The following AKAP9 variants were observed in gnomAD, a reference collection of about 807,000 sequenced individuals.
AKAP9 encodes the protein A-kinase anchor protein 9.
Under a neutral mutation model 488.5 loss-of-function variants are expected in AKAP9, and 311 were observed. The ratio of observed to expected loss-of-function variants is 0.64; its 90% CI spans 0.58 to 0.70. The LOEUF is 0.70. Among genes scored for constraint, AKAP9 ranks in the 30% least tolerant of loss-of-function variants. The probability of loss-of-function intolerance (pLI) is 0.00; values close to 1 mark genes in which losing one functional copy is unlikely to be tolerated. For missense variants in AKAP9, 4,215 were observed against 4,374.5 expected, an observed-to-expected ratio of 0.96 and a Z score of 1.03; for synonymous variants, 1,462 against 1,483.5, an observed-to-expected ratio of 0.99 and a Z score of 0.33.
chr7:91,962,849 A>C (rs1793888419), intron 1 of AKAP9, among the ~76,000 whole-genome samples: 1 of 152,166 alleles, frequency 6.6e-6, no homozygotes. Flanking sequence ...TTTATGATGC[A>C]AAGTTTTAGT....
intron 1 of AKAP9, among the ~76,000 whole-genome samples, chr7:91,942,442 G>GA (rs1391107739): frequency 5.9e-5 from 9 of 152,188 alleles, no homozygotes; most frequent in Admixed American, 5.9e-4. Flanking sequence ...TAAATGGTGG[G>GA]AAAGGGGAAT....
intron 2 of AKAP9, among the ~76,000 whole-genome samples, chr7:91,975,547 T>C (rs2130569325): frequency 6.6e-6 from 1 of 152,324 alleles, no homozygotes; most frequent in African/African-American, 2.4e-5. Flanking sequence ...ATTTTTCCTG[T>C]ATGCAAGACC....
chr7:92,026,593 C>T (rs1185967212), intron 14 of AKAP9, among the ~76,000 whole-genome samples: 1 of 152,228 alleles, frequency 6.6e-6, no homozygotes, highest in Non-Finnish European at 1.5e-5. Flanking sequence ...CCTCGGCCTC[C>T]CGAGGTGCTG....
chr7:92,002,535 A>C lies in AKAP9; in HGVS notation c.2618A>C (p.Lys873Thr), dbSNP rs746429266. ...CAAGAGGAGTATGCTTGCCTTCTCAAAGTAAAAGATGATTTAGAAGACAGT... is the reference window on the plus strand; with the variant it reads ...CAAGAGGAGTATGCTTGCCTTCTCACAGTAAAAGATGATTTAGAAGACAGT... ...ELQEEYACLL[K>T]VKDDLEDSKN... The change falls in exon 8 of 50, where the codon AAA becomes ACA. Residue 873 changes from lysine to threonine, a missense_variant. Coordinates refer to ENST00000356239, the MANE Select transcript of AKAP9 (RefSeq NM_005751.5). 4 of 1,610,510 alleles carry C rather than the reference A, an allele frequency of 2.5e-6. No homozygotes were observed. In the South Asian group the frequency reaches 4.4e-5, roughly 18 times the overall value.
At chr7:91,973,995 A>C (rs1326386554) in intron 2 of AKAP9, 27 bp downstream of exon 2, 1 of 1,613,014 alleles carries the variant, frequency 6.2e-7, no homozygotes, top group Non-Finnish European at 8.5e-7. Flanking sequence ...ATTTTTAATC[A>C]TTATGGTTCT....
chr7:91,971,982 C>CTTTTTTTTTTT (rs71107846), intron 1 of AKAP9, among the ~76,000 whole-genome samples: 3 of 91,890 alleles, frequency 3.3e-5, no homozygotes, highest in Admixed American at 1.3e-4. Context: ...TTTTGCCTCT[C>CTTTTTTTTTTT]TTTTTTTTTT....
chr7:92,109,815 G>A (rs1185741661), intron 49 of AKAP9, among the ~76,000 whole-genome samples: 1 of 152,060 alleles, frequency 6.6e-6, no homozygotes, highest in Non-Finnish European at 1.5e-5. Flanking sequence ...GCTGGACATG[G>A]TGGCATGTGT....
At chr7:91,977,250 A>AC (rs1353042539) in intron 2 of AKAP9, among the ~76,000 whole-genome samples, 1 of 151,898 alleles carries the variant, frequency 6.6e-6, no homozygotes. Context: ...ACAGAGTGAG[A>AC]TCCTGTCTCA....
At chr7:92,060,891 C>T (rs1809643950) in intron 22 of AKAP9, among the ~76,000 whole-genome samples, 1 of 152,128 alleles carries the variant, frequency 6.6e-6, no homozygotes, top group Non-Finnish European at 1.5e-5. Context: ...TTATCATAGA[C>T]TGTATAGTTA....
chr7:92,000,984 A>T lies in AKAP9; in HGVS notation c.1067A>T (p.Asp356Val), dbSNP rs533277424. The change falls in exon 8 of 50, where the codon GAT becomes GTT. Residue 356 changes from aspartate to valine, a missense_variant. This residue lies in a region of AKAP9 where 2,361 missense variants were observed against 2,430.0 expected (regional missense o/e 0.97). Coordinates refer to ENST00000356239, the MANE Select transcript of AKAP9 (RefSeq NM_005751.5). ...LELKDKLTTA[D>V]KLLGELQEQI... Reference sequence around the variant, plus strand: ...CTAAAGGATAAATTAACAACTGCTGATAAATTACTAGGAGAATTACAAGAA... The same window carrying T: ...CTAAAGGATAAATTAACAACTGCTGTTAAATTACTAGGAGAATTACAAGAA... 35 of 1,540,438 alleles carry T rather than the reference A, an allele frequency of 2.3e-5. 1 individual carries two copies. The South Asian group carries it at 4.3e-4, about 19-fold the overall frequency.
chr7:92,088,582 T>C (rs189897279), intron 37 of AKAP9, among the ~76,000 whole-genome samples: 26 of 152,278 alleles, frequency 1.7e-4, no homozygotes, highest in Non-Finnish European at 3.7e-4. Context: ...GACAAAATTA[T>C]AGTAATAGAA....
intron 30 of AKAP9, 96 bp downstream of exon 30, chr7:92,077,971 A>G (rs1328048533): frequency 1.3e-6 from 1 of 792,204 alleles, no homozygotes. Context: ...TTTAAAAAAC[A>G]AACCAATTTT....
intron 16 of AKAP9, among the ~76,000 whole-genome samples, chr7:92,033,679 C>T (rs552504027): frequency 6.6e-5 from 10 of 152,130 alleles, no homozygotes; most frequent in Non-Finnish European, 1.2e-4. Flanking sequence ...CTCAAGCAAT[C>T]TACTCACCTT....
At chr7:91,965,151 A>G (rs1315825364) in intron 1 of AKAP9, among the ~76,000 whole-genome samples, 1 of 152,140 alleles carries the variant, frequency 6.6e-6, no homozygotes, top group Admixed American at 6.5e-5. Flanking sequence ...CTTCTGTTAA[A>G]CTGTTCTTTG....
At chr7:91,970,690 A>G (rs890555348) in intron 1 of AKAP9, among the ~76,000 whole-genome samples, 1 of 152,124 alleles carries the variant, frequency 6.6e-6, no homozygotes, top group African/African-American at 2.4e-5. Flanking sequence ...TATGACCTGT[A>G]TGGTATCTGT....
At chr7:92,072,085 C>T (rs1022901704) in intron 28 of AKAP9, among the ~76,000 whole-genome samples, 6 of 152,084 alleles carry the variant, frequency 3.9e-5, no homozygotes, top group African/African-American at 1.4e-4. Context: ...TATATGTTGC[C>T]TAAAAAGACA....
At chr7:91,969,014 G>A (rs1304363575) in intron 1 of AKAP9, among the ~76,000 whole-genome samples, 1 of 152,026 alleles carries the variant, frequency 6.6e-6, no homozygotes, top group African/African-American at 2.4e-5. Flanking sequence ...TGGCACCACA[G>A]GCGTGGGACA....
In AKAP9 at chr7:92,061,430, A is replaced by G; in HGVS notation, c.5764+8A>G. 3.1e-6 allele frequency: 5 copies of G among 1,612,416 alleles called. No homozygotes were observed. Among genetic ancestry groups the G allele is most frequent in the African/African-American group, 1.3e-5 (1 of 74,760 alleles). On this transcript the variant is annotated splice_region_variant and intron_variant, in intron 23 of 49. Transcript: ENST00000356239. ...AGCTCAGTAAGGCTGAGGGTGAGCA[A>G]TTTGCCATTGACAACTAAGGGTAGA... is the stretch of plus-strand genomic sequence containing the variant.
chr7:92,043,008 A>G (rs990141669), intron 20 of AKAP9: 2 of 336,968 alleles, frequency 5.9e-6, no homozygotes, highest in Non-Finnish European at 5.6e-6. Flanking sequence ...TTGGATATTA[A>G]TCACATACTT....
Sources: gnomAD v4.1 joint callset for allele counts (sites outside exome capture counted in the v4.1 genomes callset) on GRCh38, gnomAD v4.1.1 for gene constraint, gnomAD v4.1.1 regional missense constraint, MANE v1.5 for transcripts, NCBI Gene and HGNC (gene_info 2026-07-23, HGNC 2026-07-21) for gene names.